Variants in TBC1D5 observed in about 807,000 individuals in gnomAD.
TBC1D5 encodes TBC1 domain family member 5, also known as TBC1 domain family, member 5.
A neutral mutation model predicts 100.3 loss-of-function variants in TBC1D5; 75 were observed. The ratio of observed to expected loss-of-function variants is 0.75; its 90% confidence interval spans 0.62 to 0.91. TBC1D5 has a LOEUF of 0.91. Ranked by LOEUF, TBC1D5 falls within the 40% of genes least tolerant of loss-of-function variation. The probability of loss-of-function intolerance (pLI) is 0.00; values close to 1 mark genes in which losing one functional copy is unlikely to be tolerated. For missense variants in TBC1D5, 910 were observed against 942.4 expected (o/e 0.97, Z 0.45); for synonymous variants, 323 against 325.6 (o/e 0.99, Z 0.09).
chr3:17,545,320 G>GTAAGT lies in TBC1D5; in HGVS notation c.-35-36716_-35-36715insACTTA, dbSNP rs1175596984. ...GGATGACCATGTGAAGACACAGGGA[G>GTAAGT]AAGACTGCCACTTACAAGCCAAACA... On this transcript the variant is annotated intron_variant, in intron 2 of 21. Coordinates refer to ENST00000253692, the Ensembl canonical transcript of TBC1D5. Among the ~76,000 whole-genome samples, 10 of 152,316 alleles carry GTAAGT rather than the reference G, an allele frequency of 6.6e-5. No individual in the cohort carries two copies. In the East Asian group the frequency reaches 1.7e-3, roughly 26 times the overall value.
At chr3:17,215,117 C>T (rs1357449425) in intron 17 of TBC1D5, among the ~76,000 whole-genome samples, 2 of 151,910 alleles carry the variant, frequency 1.3e-5, no homozygotes, top group African/African-American at 2.4e-5. Flanking sequence ...TGGGATGTCA[C>T]TAGAGGGTTT....
chr3:17,471,947 C>T (rs564618768), intron 3 of TBC1D5, among the ~76,000 whole-genome samples: 46 of 152,084 alleles, frequency 3.0e-4, no homozygotes, highest in Non-Finnish European at 4.9e-4. Context: ...TACCACATGA[C>T]GAAATCTACC....
chr3:17,188,902 G>A (rs1487059983), intron 18 of TBC1D5, among the ~76,000 whole-genome samples: 1 of 152,204 alleles, frequency 6.6e-6, no homozygotes, highest in Non-Finnish European at 1.5e-5. Flanking sequence ...TAATTGTTAT[G>A]TGTAACTAAG....
chr3:17,480,869 G>A (rs527339049), intron 3 of TBC1D5, among the ~76,000 whole-genome samples: 26 of 152,316 alleles, frequency 1.7e-4, no homozygotes, highest in Admixed American at 1.3e-3. Context: ...CCAGTTGTCC[G>A]TGTACCTCAT....
intron 3 of TBC1D5, among the ~76,000 whole-genome samples, chr3:17,487,289 A>G (rs547734573): frequency 1.3e-3 from 191 of 152,178 alleles, no homozygotes; most frequent in Non-Finnish European, 1.9e-3. Flanking sequence ...GTATACTAAG[A>G]TTTCTCTATC....
chr3:17,278,364 T>C (rs949384772), intron 15 of TBC1D5, among the ~76,000 whole-genome samples: 6 of 152,168 alleles, frequency 3.9e-5, no homozygotes, highest in Admixed American at 3.3e-4. Context: ...CTCTAAAAAA[T>C]TGAGGGGACT....
chr3:17,719,885 A>G (rs1370609664), intron 1 of TBC1D5, among the ~76,000 whole-genome samples: 1 of 152,156 alleles, frequency 6.6e-6, no homozygotes, highest in Non-Finnish European at 1.5e-5. Flanking sequence ...TTCTAATCCT[A>G]TGTATTTTTA....
chr3:17,454,932 G>GACA (rs371296696), intron 3 of TBC1D5, among the ~76,000 whole-genome samples: 10 of 151,470 alleles, frequency 6.6e-5, no homozygotes, highest in Admixed American at 1.3e-4. Flanking sequence ...AACTGAAGAG[G>GACA]ACAACAACAA....
intron 13 of TBC1D5, among the ~76,000 whole-genome samples, chr3:17,361,871 G>A (rs1343265814): frequency 1.3e-5 from 2 of 151,806 alleles, no homozygotes; most frequent in East Asian, 3.9e-4. Flanking sequence ...TAAGTAAAAG[G>A]ATAAGAGCTG....
chr3:17,644,795 C>G (rs984157708), intron 1 of TBC1D5, among the ~76,000 whole-genome samples: 3 of 151,952 alleles, frequency 2.0e-5, no homozygotes, highest in Non-Finnish European at 4.4e-5. Context: ...CAAAAATACA[C>G]GAGAAAACAG....
At chr3:17,569,033 G>A (rs1308776297) in intron 2 of TBC1D5, among the ~76,000 whole-genome samples, 1 of 151,754 alleles carries the variant, frequency 6.6e-6, no homozygotes, top group Non-Finnish European at 1.5e-5. Context: ...TTACCCTAAT[G>A]TTTCATAAAG....
chr3:17,700,692 A>G (rs565168666), intron 1 of TBC1D5, among the ~76,000 whole-genome samples: 9 of 151,990 alleles, frequency 5.9e-5, no homozygotes, highest in Non-Finnish European at 1.3e-4. Flanking sequence ...CACTTCTCAA[A>G]AGAAGACATC....
intron 3 of TBC1D5, among the ~76,000 whole-genome samples, chr3:17,505,488 A>G (rs1314261632): frequency 6.6e-6 from 1 of 152,188 alleles, no homozygotes; most frequent in Non-Finnish European, 1.5e-5. Context: ...TGCCAGCCTC[A>G]GGTATTTCTT....
intron 18 of TBC1D5, among the ~76,000 whole-genome samples, chr3:17,206,210 A>G (rs1464641114): frequency 6.6e-6 from 1 of 152,198 alleles, no homozygotes; most frequent in African/African-American, 2.4e-5. Context: ...AACACAGCCC[A>G]TGGTGGTCTG....
exon 14 of TBC1D5, chr3:17,308,098 G>A (rs746288809): frequency 2.4e-5 from 38 of 1,602,292 alleles, no homozygotes; most frequent in Non-Finnish European, 3.1e-5. Flanking sequence ...GGTCCTGCAG[G>A]GGGAACTCTC....
chr3:17,366,813 C>G (rs935785799), intron 13 of TBC1D5, among the ~76,000 whole-genome samples: 2 of 152,028 alleles, frequency 1.3e-5, no homozygotes, highest in African/African-American at 2.4e-5. Flanking sequence ...AAACAATATA[C>G]TATGACATAT....
At chr3:17,477,778 A>C (rs1174375667) in intron 3 of TBC1D5, among the ~76,000 whole-genome samples, 1 of 152,084 alleles carries the variant, frequency 6.6e-6, no homozygotes, top group Non-Finnish European at 1.5e-5. Context: ...ATATTGTTTA[A>C]CAAGTTTAGA....
chr3:17,161,133 T>G, exon 22 of TBC1D5: 2 of 1,614,084 alleles, frequency 1.2e-6, no homozygotes, highest in Non-Finnish European at 1.7e-6. Flanking sequence ...CTTCTGAGGG[T>G]GCGAAGAGGC....
chr3:17,273,558 T>A (rs535502066), intron 15 of TBC1D5, among the ~76,000 whole-genome samples: 3 of 152,130 alleles, frequency 2.0e-5, no homozygotes, highest in South Asian at 4.2e-4. Flanking sequence ...AATTTGCTAA[T>A]CTGCTTGGGA....
Sources: gnomAD v4.1 joint callset for allele counts (sites outside exome capture counted in the v4.1 genomes callset) on GRCh38, gnomAD v4.1.1 for gene constraint, MANE v1.5 for transcripts, NCBI Gene and HGNC (gene_info 2026-07-23, HGNC 2026-07-21) for gene names.